The following CACNA2D3 variants were observed in gnomAD, a reference collection of about 807,000 sequenced individuals.
CACNA2D3 encodes voltage-dependent calcium channel subunit alpha-2/delta-3.
CACNA2D3 carries 60 observed loss-of-function variants against 160.6 expected under a neutral mutation model. The observed-to-expected ratio is 0.37, with a 90% CI of 0.30 to 0.46. CACNA2D3 has a LOEUF of 0.46. CACNA2D3 is among the 20% of genes least tolerant of loss of function. The pLI, the probability that CACNA2D3 is intolerant of heterozygous loss-of-function variation, is 1.00. For missense variants in CACNA2D3, 1,205 were observed against 1,365.0 expected, an observed-to-expected ratio of 0.88 and a Z score of 1.85; for synonymous variants, 558 against 492.9, an observed-to-expected ratio of 1.13 and a Z score of -1.75.
intron 4 of CACNA2D3, among the ~76,000 whole-genome samples, chr3:54,490,486 G>T (rs538833448): frequency 6.6e-6 from 1 of 152,344 alleles, no homozygotes; most frequent in East Asian, 1.9e-4. Context: ...AAATTGCCAG[G>T]GAGAGAGTGG....
intron 14 of CACNA2D3, among the ~76,000 whole-genome samples, chr3:54,832,009 T>C (rs374500161): frequency 0.044 from 2,865 of 64,618 alleles, 116 homozygotes; most frequent in African/African-American, 0.14. Flanking sequence ...CTCTCTTCTC[T>C]GTCACACACA....
intron 3 of CACNA2D3, among the ~76,000 whole-genome samples, chr3:54,335,548 G>A (rs1704355153): frequency 6.6e-6 from 1 of 152,148 alleles, no homozygotes; most frequent in Non-Finnish European, 1.5e-5. Flanking sequence ...TTTGGTTTTG[G>A]TGGGTTTTGG....
intron 11 of CACNA2D3, among the ~76,000 whole-genome samples, chr3:54,687,514 G>T (rs1208968118): frequency 6.6e-6 from 1 of 152,058 alleles, no homozygotes; most frequent in East Asian, 1.9e-4. Context: ...ACTTCTAGTA[G>T]ATAGAAGGGG....
chr3:54,324,164 C>T (rs1704071804), intron 3 of CACNA2D3, among the ~76,000 whole-genome samples: 1 of 152,200 alleles, frequency 6.6e-6, no homozygotes, highest in Non-Finnish European at 1.5e-5. Flanking sequence ...CCTGTCATCT[C>T]CTGCCTGTTA....
chr3:54,258,841 T>A (rs767817140), intron 2 of CACNA2D3, among the ~76,000 whole-genome samples: 1 of 152,162 alleles, frequency 6.6e-6, no homozygotes, highest in Admixed American at 6.5e-5. Flanking sequence ...ATAGCAAAAC[T>A]CAGAGAAGTT....
At chr3:54,776,880 G>C (rs115533382) in intron 13 of CACNA2D3, among the ~76,000 whole-genome samples, 1 of 152,098 alleles carries the variant, frequency 6.6e-6, no homozygotes, top group Non-Finnish European at 1.5e-5. Context: ...TGTGCCTTCC[G>C]AGAGCTGAGG....
At chr3:54,653,888 C>T (rs960728204) in intron 11 of CACNA2D3, among the ~76,000 whole-genome samples, 1 of 152,132 alleles carries the variant, frequency 6.6e-6, no homozygotes, top group African/African-American at 2.4e-5. Context: ...TGACCTCCAC[C>T]ATCCTCTAGT....
intron 17 of CACNA2D3, among the ~76,000 whole-genome samples, chr3:54,855,302 A>C (rs1415059478): frequency 1.3e-5 from 2 of 152,160 alleles, no homozygotes; most frequent in Non-Finnish European, 2.9e-5. Flanking sequence ...GGGCTCCGGC[A>C]CCTGCTTCTC....
intron 32 of CACNA2D3, 34 bp from the exon 33 acceptor site, chr3:55,007,754 TAC>T: frequency 7.0e-7 from 1 of 1,429,490 alleles, no homozygotes; most frequent in Non-Finnish European, 9.5e-7. Flanking sequence ...TTGTGTGCAC[TAC>T]ATTGTTTTTA....
rs527483166 is a variant in CACNA2D3, at chr3:54,595,256, A to C, written c.963+13379A>C. 5.3e-5 allele frequency among the ~76,000 whole-genome samples: 8 copies of C among 151,730 alleles called. No individual in the cohort carries two copies. In the East Asian group the frequency reaches 1.6e-3, roughly 30 times the overall value. The stretch of plus-strand genomic sequence containing the variant: ...TCTGGGAATCTCTCGAGGTTGTTTT[A>C]TCTTGGAATTCTCTGTGGCTGTACA... On this transcript the variant is annotated intron_variant, in intron 9 of 37. Coordinates refer to ENST00000474759, the MANE Select transcript of CACNA2D3 (RefSeq NM_018398.3).
At chr3:54,379,135 T>C (rs1699058768) in intron 3 of CACNA2D3, among the ~76,000 whole-genome samples, 1 of 152,172 alleles carries the variant, frequency 6.6e-6, no homozygotes, top group South Asian at 2.1e-4. Flanking sequence ...ACATGCACGA[T>C]GTGTTTTCTC....
intron 25 of CACNA2D3, among the ~76,000 whole-genome samples, chr3:54,893,574 G>A (rs1039762729): frequency 5.9e-5 from 9 of 152,166 alleles, no homozygotes; most frequent in African/African-American, 1.2e-4. Flanking sequence ...TAGCATTTCT[G>A]ACTTTTGGTT....
chr3:54,605,895 C>T (rs890917986), intron 9 of CACNA2D3, among the ~76,000 whole-genome samples: 2 of 152,150 alleles, frequency 1.3e-5, no homozygotes, highest in Non-Finnish European at 2.9e-5. Flanking sequence ...ATGATATTTG[C>T]TCCAGCTCAT....
rs1265902604 is a variant in CACNA2D3, at chr3:54,736,083, G to GTATATATATACATACATATA, written c.1168-16513_1168-16512insATATATACATACATATATAT. Among the ~76,000 whole-genome samples, 83 of 34,220 alleles carry GTATATATATACATACATATA rather than the reference G, an allele frequency of 2.4e-3. 8 individuals are homozygous for GTATATATATACATACATATA. The highest frequency in any genetic ancestry group is 0.017 in the Middle Eastern group (1 of 60). 22.4% of individuals were successfully genotyped at this position (34,220 alleles called of 152,430 possible). ...TATGTATATATATATACATATATAT[G>GTATATATATACATACATATA]TATGTGTATATATATACATATATAT... On this transcript the variant is annotated intron_variant, in intron 11 of 37. Transcript: ENST00000474759.
At chr3:54,562,146 C>T (rs1034440959) in intron 5 of CACNA2D3, among the ~76,000 whole-genome samples, 3 of 152,126 alleles carry the variant, frequency 2.0e-5, no homozygotes, top group African/African-American at 7.2e-5. Flanking sequence ...AATCATACCA[C>T]CATCCATCCA....
At chr3:55,062,227 C>T (rs558155660) in intron 35 of CACNA2D3, among the ~76,000 whole-genome samples, 1 of 152,044 alleles carries the variant, frequency 6.6e-6, no homozygotes, top group African/African-American at 2.4e-5. Context: ...TCAAGTGATC[C>T]TCCTGCCTCA....
intron 2 of CACNA2D3, among the ~76,000 whole-genome samples, chr3:54,170,684 T>G (rs368034134): frequency 1.3e-5 from 2 of 152,144 alleles, no homozygotes; most frequent in East Asian, 1.9e-4. Flanking sequence ...CAAGGGCAGA[T>G]CAGTGAGTAA....
chr3:54,127,308 A>C (rs114283750), intron 2 of CACNA2D3, among the ~76,000 whole-genome samples: 2,378 of 152,338 alleles, frequency 0.016, 58 homozygotes, highest in African/African-American at 0.049. Context: ...TGGAATGCAC[A>C]ATCTGTTTTT....
intron 11 of CACNA2D3, among the ~76,000 whole-genome samples, chr3:54,645,063 T>C (rs182417377): frequency 1.0e-3 from 154 of 152,350 alleles, no homozygotes; most frequent in African/African-American, 3.6e-3. Context: ...AAGAACTGCC[T>C]GAGAGTGGGT....
Sources: gnomAD v4.1 joint callset for allele counts (sites outside exome capture counted in the v4.1 genomes callset) on GRCh38, gnomAD v4.1.1 for gene constraint, MANE v1.5 for transcripts, NCBI Gene and HGNC (gene_info 2026-07-23, HGNC 2026-07-21) for gene names.